Variants in SRGAP1 observed in about 807,000 individuals in gnomAD.
The protein encoded by SRGAP1 is SLIT-ROBO Rho GTPase-activating protein 1.
SRGAP1 carries 43 observed loss-of-function variants against 121.9 expected under a neutral mutation model. That is an observed-to-expected ratio of 0.35 (90% confidence interval 0.28 to 0.46). The LOEUF (loss-of-function observed/expected upper bound fraction) is 0.46. Ranked by LOEUF, SRGAP1 falls within the 20% of genes least tolerant of loss-of-function variation. SRGAP1 has a pLI of 1.00. For synonymous variants in SRGAP1, 447 were observed against 485.4 expected (o/e 0.92, Z 1.04); for missense variants, 1,102 against 1,350.9 (o/e 0.82, Z 2.89).
At chr12:64,065,379 T>A (rs1160688713) in intron 8 of SRGAP1, among the ~76,000 whole-genome samples, 160 bp downstream of exon 8, 1 of 152,182 alleles carries the variant, frequency 6.6e-6, no homozygotes, top group Non-Finnish European at 1.5e-5. Flanking sequence ...AGGGGATAAA[T>A]GCAAAGATTC....
At chr12:63,970,161 T>G (rs1040167976) in intron 1 of SRGAP1, among the ~76,000 whole-genome samples, 1 of 152,168 alleles carries the variant, frequency 6.6e-6, no homozygotes, top group African/African-American at 2.4e-5. Context: ...AGGAGTGTAC[T>G]GTGTGGGCAG....
chr12:63,871,186 A>G (rs1395939274), intron 1 of SRGAP1, among the ~76,000 whole-genome samples: 1 of 152,170 alleles, frequency 6.6e-6, no homozygotes, highest in Non-Finnish European at 1.5e-5. Context: ...CCAATTTCCC[A>G]AAGATCTTTT....
At chr12:63,850,423 T>C (rs1899037823) in intron 1 of SRGAP1, among the ~76,000 whole-genome samples, 1 of 106,530 alleles carries the variant, frequency 9.4e-6, no homozygotes, top group African/African-American at 5.1e-5. Flanking sequence ...TCTTTGTAAA[T>C]TGGCCAATTT....
At chr12:63,875,277 GGTGTGT>G (rs142238376) in intron 1 of SRGAP1, among the ~76,000 whole-genome samples, 7 of 150,928 alleles carry the variant, frequency 4.6e-5, no homozygotes, top group Admixed American at 4.0e-4. Flanking sequence ...GTTATTGTTT[GGTGTGT>G]GTGTGTGTGT....
chr12:64,082,335 A>T (rs548464094), intron 10 of SRGAP1, among the ~76,000 whole-genome samples: 1 of 152,160 alleles, frequency 6.6e-6, no homozygotes, highest in South Asian at 2.1e-4. Context: ...TCTACATGTC[A>T]TTATTGGATG....
At chr12:63,940,451 T>G (rs550749262) in intron 1 of SRGAP1, among the ~76,000 whole-genome samples, 51 of 148,700 alleles carry the variant, frequency 3.4e-4, no homozygotes, top group Non-Finnish European at 6.7e-4. Flanking sequence ...TCAAGGAGTG[T>G]TTGTGTCAGG....
At chr12:64,047,069 A>C (rs1180867055) in intron 6 of SRGAP1, among the ~76,000 whole-genome samples, 4 of 152,220 alleles carry the variant, frequency 2.6e-5, no homozygotes, top group African/African-American at 9.6e-5. Context: ...AAATATCCCA[A>C]GTGATTTTCC....
At chr12:63,933,018 T>C (rs1263391243) in intron 1 of SRGAP1, among the ~76,000 whole-genome samples, 3 of 152,034 alleles carry the variant, frequency 2.0e-5, no homozygotes, top group Admixed American at 1.3e-4. Flanking sequence ...TGAAACCCCA[T>C]CTCTACTAAA....
chr12:64,043,466 A>C lies in SRGAP1; in HGVS notation c.692A>C (p.Glu231Ala). The C allele has an allele frequency of 6.2e-7, 1 of 1,610,538 alleles. No individual in the cohort carries two copies. Among genetic ancestry groups the C allele is most frequent in the Non-Finnish European group, 8.5e-7 (1 of 1,179,034 alleles). Residue 231 changes from glutamate (E) to alanine (A), a missense_variant, in exon 6 of 22, where the codon GAA (glutamate) becomes GCA (alanine). Glu to Ala is a moderately radical substitution (Grantham distance 107, BLOSUM62 -1). This residue lies in a region of SRGAP1 where 747 missense variants were observed against 929.4 expected (regional missense o/e 0.80). Transcript: ENST00000355086. ...MKEKRQAKYSENKLKSIKARN... is the reference protein window; with the variant it reads ...MKEKRQAKYSANKLKSIKARN... ...TTCCAGAGACAAGCAAAATATTCAG[A>C]AAATAAGCTAAAATCAATTAAGGCA...
At position 63,948,067 on chromosome 12, in the gene SRGAP1, G is replaced by A. The variant is rs138876434; in HGVS notation, c.68-35880G>A. 5.5e-3 allele frequency among the ~76,000 whole-genome samples: 826 copies of A among 150,662 alleles called. 2 individuals carry two copies. Among genetic ancestry groups the A allele is most frequent in the Non-Finnish European group, 8.1e-3 (547 of 67,782 alleles). On this transcript the variant is annotated intron_variant, in intron 1 of 21. Transcript: ENST00000355086. ...TAATCTCACTGTTCTACTTTATTCC[G>A]CAGACATCACCTTAGCAATATAAGG...
At chr12:64,003,010 G>T (rs911892497) in intron 3 of SRGAP1, among the ~76,000 whole-genome samples, 8 of 145,892 alleles carry the variant, frequency 5.5e-5, no homozygotes, top group South Asian at 2.2e-4. Flanking sequence ...CTTGGGGGGG[G>T]TGTGTATGTG....
chr12:64,095,444 A>G (rs1330079368), intron 14 of SRGAP1, among the ~76,000 whole-genome samples: 3 of 152,188 alleles, frequency 2.0e-5, no homozygotes, highest in Non-Finnish European at 4.4e-5. Flanking sequence ...TGACATTGAT[A>G]ATCGGTGCCA....
chr12:63,943,826 A>G (rs1051789596), intron 1 of SRGAP1, among the ~76,000 whole-genome samples: 29 of 152,362 alleles, frequency 1.9e-4, no homozygotes, highest in African/African-American at 7.0e-4. Flanking sequence ...CATCAGCAGT[A>G]CATGGCTGGA....
At chr12:63,979,003 C>CA (rs1355975781) in intron 1 of SRGAP1, among the ~76,000 whole-genome samples, 1 of 144,684 alleles carries the variant, frequency 6.9e-6, no homozygotes, top group East Asian at 2.2e-4. Flanking sequence ...ATTTGTATAT[C>CA]ATCTTGGGAG....
At chr12:63,910,555 C>T (rs927618701) in intron 1 of SRGAP1, among the ~76,000 whole-genome samples, 9 of 152,132 alleles carry the variant, frequency 5.9e-5, no homozygotes, top group African/African-American at 2.2e-4. Context: ...TGGGGTCTTT[C>T]TACAGGAACA....
At chr12:64,045,810 C>G (rs2035119350) in intron 6 of SRGAP1, among the ~76,000 whole-genome samples, 1 of 152,096 alleles carries the variant, frequency 6.6e-6, no homozygotes, top group Non-Finnish European at 1.5e-5. Context: ...CTAAAAGGTG[C>G]TAAGCACCAT....
intron 1 of SRGAP1, among the ~76,000 whole-genome samples, chr12:63,855,266 C>A (rs1469010030): frequency 1.3e-5 from 2 of 152,030 alleles, no homozygotes; most frequent in African/African-American, 4.8e-5. Flanking sequence ...GAGCACATGT[C>A]CACGGTTTTC....
At chr12:64,022,704 C>T (rs1442470072) in intron 4 of SRGAP1, among the ~76,000 whole-genome samples, 1 of 152,168 alleles carries the variant, frequency 6.6e-6, no homozygotes, top group African/African-American at 2.4e-5. Flanking sequence ...CTCTGCACCT[C>T]AGTTTTCTCA....
chr12:64,045,189 A>G (rs905498958), intron 6 of SRGAP1, among the ~76,000 whole-genome samples: 3 of 152,090 alleles, frequency 2.0e-5, no homozygotes, highest in Admixed American at 6.6e-5. Flanking sequence ...TTAAATACTT[A>G]CTTCTTCCAG....
Sources: allele counts gnomAD v4.1 joint callset (sites outside exome capture counted in the v4.1 genomes callset), GRCh38; gene constraint gnomAD v4.1.1; regional missense constraint gnomAD v4.1.1; transcripts MANE v1.5; gene names NCBI Gene and HGNC (gene_info 2026-07-23, HGNC 2026-07-21).